The following NRXN3 variants were observed in gnomAD, a reference collection of about 807,000 sequenced individuals.
The protein encoded by NRXN3 is neurexin III.
NRXN3 carries 32 observed loss-of-function variants against 137.6 expected under a neutral mutation model. The observed-to-expected ratio is 0.23, with a 90% confidence interval of 0.18 to 0.31. The LOEUF is 0.31. NRXN3 is among the 10% of genes least tolerant of loss of function. The probability of loss-of-function intolerance (pLI) is 1.00; values close to 1 mark genes in which losing one functional copy is unlikely to be tolerated. For synonymous variants in NRXN3, 798 were observed against 784.5 expected (o/e 1.02, Z -0.29); for missense variants, 1,574 against 2,062.5 (o/e 0.76, Z 4.59).
intron 15 of NRXN3, among the ~76,000 whole-genome samples, chr14:79,060,846 T>C (rs961994214): frequency 6.6e-6 from 1 of 152,126 alleles, no homozygotes; most frequent in African/African-American, 2.4e-5. Flanking sequence ...GTTACTGCTA[T>C]AATTTCTCTA....
chr14:78,563,735 A>G (rs897641633), intron 4 of NRXN3, among the ~76,000 whole-genome samples: 1 of 152,216 alleles, frequency 6.6e-6, no homozygotes, highest in Non-Finnish European at 1.5e-5. Context: ...AGATGGGTAC[A>G]TAAGAGCAAA....
At chr14:79,139,128 T>A (rs990079124) in intron 15 of NRXN3, among the ~76,000 whole-genome samples, 5 of 152,226 alleles carry the variant, frequency 3.3e-5, no homozygotes, top group African/African-American at 1.2e-4. Flanking sequence ...AATGACAGAT[T>A]TGAAATAAGA....
At chr14:78,433,755 G>A (rs1363160432) in intron 4 of NRXN3, among the ~76,000 whole-genome samples, 1 of 152,058 alleles carries the variant, frequency 6.6e-6, no homozygotes, top group African/African-American at 2.4e-5. Context: ...TCCAGAAACG[G>A]TAAGAAATAA....
At chr14:78,670,491 G>T (rs2097923994) in intron 6 of NRXN3, among the ~76,000 whole-genome samples, 1 of 152,154 alleles carries the variant, frequency 6.6e-6, no homozygotes, top group Admixed American at 6.5e-5. Context: ...CAGCCCAGTA[G>T]GTCTCAGCCT....
chr14:79,765,965 T>C (rs2099054681), intron 19 of NRXN3, among the ~76,000 whole-genome samples: 1 of 152,218 alleles, frequency 6.6e-6, no homozygotes, highest in Admixed American at 6.5e-5. Context: ...CATGTAAAGA[T>C]GTTTCCAGTA....
chr14:78,689,175 A>G (rs1196300308), intron 6 of NRXN3, among the ~76,000 whole-genome samples: 2 of 152,078 alleles, frequency 1.3e-5, no homozygotes, highest in Non-Finnish European at 1.5e-5. Context: ...AAATTTCTCT[A>G]AAAACTACTT....
intron 10 of NRXN3, among the ~76,000 whole-genome samples, chr14:78,898,404 C>T (rs1434844853): frequency 6.6e-6 from 1 of 151,816 alleles, no homozygotes; most frequent in African/African-American, 2.4e-5. Flanking sequence ...GGGAACTCCC[C>T]AGGTACAGTG....
At chr14:79,848,475 G>C (rs578197534) in intron 20 of NRXN3, among the ~76,000 whole-genome samples, 16 of 108,762 alleles carry the variant, frequency 1.5e-4, no homozygotes, top group Admixed American at 9.2e-4. Context: ...ATAAGCTATT[G>C]TTAGTGTTAG....
intron 8 of NRXN3, among the ~76,000 whole-genome samples, chr14:78,783,906 A>G (rs1222138908): frequency 1.3e-5 from 2 of 152,160 alleles, no homozygotes; most frequent in Non-Finnish European, 2.9e-5. Flanking sequence ...AGAGAAGACG[A>G]TGCTCAAAGA....
chr14:78,208,490 A>G lies in NRXN3; in HGVS notation c.-703-33901A>G, dbSNP rs186993245. On this transcript the variant is annotated intron_variant, in intron 1 of 20. Coordinates refer to ENST00000335750, the MANE Select transcript of NRXN3 (RefSeq NM_001330195.2). ...TTATAATCCTTCAAATCAGTTATTC[A>G]TCTTTTAAAATTCAGATCAAATGCC... is the stretch of plus-strand genomic sequence containing the variant. 3.6e-4 allele frequency among the ~76,000 whole-genome samples: 55 copies of G among 152,228 alleles called. 1 individual carries two copies. The East Asian group carries it at 7.5e-3, about 21-fold the overall frequency.
At chr14:78,844,650 T>C (rs1375410959) in intron 10 of NRXN3, among the ~76,000 whole-genome samples, 1 of 152,098 alleles carries the variant, frequency 6.6e-6, no homozygotes, top group Non-Finnish European at 1.5e-5. Context: ...GTTGCTGTAG[T>C]TCCAGGCATT....
intron 15 of NRXN3, among the ~76,000 whole-genome samples, chr14:79,021,491 T>C (rs2099589550): frequency 6.6e-6 from 1 of 152,196 alleles, no homozygotes; most frequent in Non-Finnish European, 1.5e-5. Flanking sequence ...AAAAATCCAA[T>C]TCTACTGATG....
chr14:79,092,553 T>C (rs531357716), intron 15 of NRXN3, among the ~76,000 whole-genome samples: 1 of 152,312 alleles, frequency 6.6e-6, no homozygotes, highest in Admixed American at 6.5e-5. Context: ...AGTCAACATA[T>C]GTCCTGGATA....
At chr14:78,423,915 G>A (rs2093559877) in intron 4 of NRXN3, among the ~76,000 whole-genome samples, 1 of 152,168 alleles carries the variant, frequency 6.6e-6, no homozygotes, top group Non-Finnish European at 1.5e-5. Flanking sequence ...GTTCCCGTAG[G>A]GGCACAAATA....
At chr14:79,242,130 T>C (rs2074407265) in intron 15 of NRXN3, among the ~76,000 whole-genome samples, 1 of 152,052 alleles carries the variant, frequency 6.6e-6, no homozygotes, top group Non-Finnish European at 1.5e-5. Context: ...TTAGCACCTA[T>C]TTATCAGATG....
chr14:79,861,867 C>A lies in NRXN3; in HGVS notation c.4619C>A (p.Ser1540Tyr). ...GAGACGCGGAACTACATCAGCAACT[C>A]CGCCCAGAGCAACGGCACGCTCATG... ...VDETRNYISN[S>Y]AQSNGTLMKE... The change falls in exon 21 of 21, where the codon TCC becomes TAC. Residue 1540 changes from serine to tyrosine, a missense_variant. Ser to Tyr is a moderately radical substitution (Grantham distance 144). Transcript: ENST00000335750. This position sits in a 1 kb window ranked among gnomAD's most constrained non-coding sequence, Gnocchi z 5.4. 3 of 1,614,094 alleles carry A rather than the reference C, an allele frequency of 1.9e-6. No individual in the cohort carries two copies. Among genetic ancestry groups the A allele is most frequent in the Non-Finnish European group, 2.5e-6 (3 of 1,180,018 alleles).
intron 8 of NRXN3, among the ~76,000 whole-genome samples, chr14:78,773,515 T>G (rs2098735045): frequency 6.6e-6 from 1 of 152,206 alleles, no homozygotes; most frequent in Admixed American, 6.5e-5. Flanking sequence ...CAACACAGAA[T>G]TCAGCTCCCA....
chr14:79,432,147 A>T (rs1285917236), intron 15 of NRXN3, among the ~76,000 whole-genome samples: 3 of 152,078 alleles, frequency 2.0e-5, no homozygotes, highest in Non-Finnish European at 2.9e-5. Context: ...TGCAGATAGC[A>T]CCTGCCATTT....
intron 1 of NRXN3, among the ~76,000 whole-genome samples, chr14:78,171,330 G>T (rs1224623520): frequency 6.9e-6 from 1 of 145,622 alleles, no homozygotes; most frequent in East Asian, 1.9e-4. Flanking sequence ...TGAAAAGGGA[G>T]TGTGTGTGTG....
Sources: allele counts gnomAD v4.1 joint callset (sites outside exome capture counted in the v4.1 genomes callset), GRCh38; gene constraint gnomAD v4.1.1; non-coding constraint Gnocchi (gnomAD v3.1); transcripts MANE v1.5; gene names NCBI Gene and HGNC (gene_info 2026-07-23, HGNC 2026-07-21).